Variants in ACSBG1 observed in about 807,000 individuals in gnomAD.
ACSBG1 encodes the protein long-chain-fatty-acid--CoA ligase ACSBG1.
Under a neutral mutation model 80.2 loss-of-function variants are expected in ACSBG1, and 39 were observed. The observed-to-expected ratio is 0.49, with a 90% CI of 0.38 to 0.64. ACSBG1 has a LOEUF of 0.64. Among genes scored for constraint, ACSBG1 ranks in the 30% least tolerant of loss-of-function variants. The probability of loss-of-function intolerance (pLI) is 0.00; values close to 1 mark genes in which losing one functional copy is unlikely to be tolerated. For missense variants in ACSBG1, 828 were observed against 966.4 expected, an observed-to-expected ratio of 0.86 and a Z score of 1.90; for synonymous variants, 392 against 379.5, an observed-to-expected ratio of 1.03 and a Z score of -0.38.
chr15:78,173,602 C>T lies in ACSBG1; in HGVS notation c.2080G>A (p.Gly694Arg). Residue 694 changes from glycine to arginine, a missense_variant, in exon 13 of 14, where the codon GGA becomes AGA. By Grantham distance (125) the Gly-to-Arg change is moderately radical. Coordinates refer to ENST00000258873, the MANE Select transcript of ACSBG1 (RefSeq NM_015162.5). ...ILERDFSISG[G>R]ELGPTMKLKR... ...AAAAGGAAAAACCTACCCAACTCTC[C>T]ACCCGAAATGGAGAAGTCTCTCTCG... 1 of 1,614,144 alleles carries T rather than the reference C, an allele frequency of 6.2e-7. No homozygotes were observed. Among genetic ancestry groups the T allele is most frequent in the Non-Finnish European group, 8.5e-7 (1 of 1,180,024 alleles).
rs1363769807 is a variant in ACSBG1, at chr15:78,179,814, AT to A, written c.1254-35del. 3.0e-5 allele frequency: 35 copies of A among 1,172,764 alleles called. 1 individual carries two copies. Among genetic ancestry groups the A allele is most frequent in the Non-Finnish European group, 1.2e-6 (1 of 822,692 alleles). The allele number at this position is 1,172,764 out of a possible 1,614,324, so 72.6% of individuals were successfully genotyped here. A position where few individuals can be genotyped will look rare whatever the true frequency, so the allele number is the denominator to read the frequency against. On this transcript the variant is annotated intron_variant, in intron 9 of 13. Transcript: ENST00000258873. ...AGAGGGAGAATGGTTCACAGAAGAAATCACACACACACACACACACACACAC... is the reference window on the plus strand; with the variant it reads ...AGAGGGAGAATGGTTCACAGAAGAAACACACACACACACACACACACACAC...
chr15:78,231,194 C>G (rs1193917790), intron 1 of ACSBG1, among the ~76,000 whole-genome samples: 6 of 152,096 alleles, frequency 3.9e-5, no homozygotes, highest in Non-Finnish European at 7.4e-5. Flanking sequence ...GATCTCAGCT[C>G]ACGGCAACCT....
chr15:78,182,686 A>G lies in ACSBG1; in HGVS notation c.744+19T>C, dbSNP rs534899604. ...GCCCAATAGGCCCCACCTGGCGCCC[A>G]GGGCCCCACTGCCCATACCGTGTAC... On this transcript the variant is annotated intron_variant, in intron 6 of 13. Coordinates refer to ENST00000258873, the MANE Select transcript of ACSBG1 (RefSeq NM_015162.5). 6.2e-7 allele frequency: 1 copy of G among 1,614,082 alleles called. No individual in the cohort carries two copies. Among genetic ancestry groups the G allele is most frequent in the East Asian group, 2.2e-5 (1 of 44,870 alleles).
At chr15:78,194,839 T>G in intron 2 of ACSBG1, 113 bp from the exon 3 acceptor site, 1 of 1,116,952 alleles carries the variant, frequency 9.0e-7, no homozygotes, top group South Asian at 1.5e-5. Flanking sequence ...GTCCTCGGCC[T>G]TGAGGCTGGC....
At chr15:78,174,716 C>T (rs981837125) in intron 11 of ACSBG1, 192 bp from the exon 12 acceptor site, 66 of 610,972 alleles carry the variant, frequency 1.1e-4, no homozygotes, top group African/African-American at 7.5e-5. Context: ...AGCACCCCGA[C>T]GACAAATGCT....
chr15:78,216,597 C>G (rs1567096872), intron 1 of ACSBG1, among the ~76,000 whole-genome samples: 1 of 152,080 alleles, frequency 6.6e-6, no homozygotes. Flanking sequence ...TAAGACATAT[C>G]CCCCTAGAAT....
intron 2 of ACSBG1, among the ~76,000 whole-genome samples, chr15:78,205,862 C>T (rs1279742794): frequency 2.0e-5 from 3 of 152,158 alleles, no homozygotes; most frequent in Non-Finnish European, 4.4e-5. Context: ...CTGTGCCAGC[C>T]CCAATCCCCC....
chr15:78,193,769 C>G (rs2075081507), intron 4 of ACSBG1, 143 bp from the exon 5 acceptor site: 1 of 1,442,248 alleles, frequency 6.9e-7, no homozygotes, highest in Non-Finnish European at 9.3e-7. Context: ...AGCACCTCCT[C>G]CCCTGCAGAG....
At chr15:78,187,150 A>C (rs2141338731) in intron 5 of ACSBG1, among the ~76,000 whole-genome samples, 1 of 152,364 alleles carries the variant, frequency 6.6e-6, no homozygotes, top group Middle Eastern at 3.4e-3. Context: ...TGAATAGACC[A>C]ATAACAGGCT....
intron 11 of ACSBG1, 37 bp from the exon 12 acceptor site, chr15:78,174,561 A>T (rs372982505): frequency 1.4e-4 from 219 of 1,596,628 alleles, no homozygotes; most frequent in Non-Finnish European, 1.8e-4. Flanking sequence ...CACAGAATGT[A>T]GTCCAGGTGC....
rs540373161 is a variant in ACSBG1 at position 78,215,938 on chromosome 15, A to G, written c.132-7836T>C. On this transcript the variant is annotated intron_variant, in intron 1 of 13. Coordinates refer to ENST00000258873, the MANE Select transcript of ACSBG1 (RefSeq NM_015162.5). ...AACCCACTAGCTGACCTGCTGTGGT[A>G]GAGCCGCCTATGACACTTTTCAAAG... Among the ~76,000 whole-genome samples the G allele has an allele frequency of 2.6e-5, 4 of 152,298 alleles. No homozygotes were observed. The South Asian group carries it at 8.3e-4, about 32-fold the overall frequency.
chr15:78,193,271 C>T (rs553653958), intron 5 of ACSBG1, among the ~76,000 whole-genome samples: 1 of 152,324 alleles, frequency 6.6e-6, no homozygotes, highest in South Asian at 2.1e-4. Context: ...GGACAGGAGT[C>T]CTACCCAAGG....
At chr15:78,189,984 G>A (rs957332374) in intron 5 of ACSBG1, among the ~76,000 whole-genome samples, 10 of 151,900 alleles carry the variant, frequency 6.6e-5, no homozygotes, top group African/African-American at 2.4e-4. Context: ...AAAAAGAAAA[G>A]TTCTTAAGGC....
rs558790522 is a variant in ACSBG1, at chr15:78,215,397, C to T, written c.132-7295G>A. On this transcript the variant is annotated intron_variant, in intron 1 of 13. Transcript: ENST00000258873. ...AGTGGCCAGGCATGGTGGCTCATGC[C>T]TGTAATCCCAACACTTTGGGAGGCC... is the stretch of plus-strand genomic sequence containing the variant. 1.1e-3 allele frequency among the ~76,000 whole-genome samples: 162 copies of T among 152,344 alleles called. 1 individual carries two copies. Among genetic ancestry groups the T allele is most frequent in the Middle Eastern group, 6.8e-3 (2 of 294 alleles).
At position 78,185,054 on chromosome 15, in the gene ACSBG1, A is replaced by AGG. The variant is rs1491576524; in HGVS notation, c.664-2270_664-2269insCC. The stretch of plus-strand genomic sequence containing the variant: ...GGAGAGAAAGGGGCGGAGGGGAGGG[A>AGG]GAGAGAGAGAGAGAGAGAGAGAGAG... On this transcript the variant is annotated intron_variant, in intron 5 of 13. Coordinates refer to ENST00000258873, the MANE Select transcript of ACSBG1 (RefSeq NM_015162.5). Among the ~76,000 whole-genome samples, 82 of 5,462 alleles carry AGG rather than the reference A, an allele frequency of 0.015. 2 individuals are homozygous for AGG. The East Asian group carries it at 0.23, about 15-fold the overall frequency. The allele number at this position is 5,462 out of a possible 152,430, so 3.6% of individuals were successfully genotyped here.
intron 5 of ACSBG1, among the ~76,000 whole-genome samples, chr15:78,183,693 CAT>C (rs1301924661): frequency 3.3e-5 from 5 of 152,098 alleles, no homozygotes; most frequent in Non-Finnish European, 7.4e-5. Context: ...TGTTATCTCA[CAT>C]GATTTTGACT....
intron 8 of ACSBG1, among the ~76,000 whole-genome samples, chr15:78,181,350 A>G (rs1233324004): frequency 1.3e-5 from 2 of 152,160 alleles, no homozygotes; most frequent in East Asian, 3.9e-4. Flanking sequence ...AAGGGTCCAA[A>G]GAACAGGTAT....
chr15:78,182,143 G>A lies in ACSBG1; in HGVS notation c.897C>T (p.Ile299=), dbSNP rs1219700752. 1 of 1,607,582 alleles carries A rather than the reference G, an allele frequency of 6.2e-7. No homozygotes were observed. The highest frequency in any genetic ancestry group is 2.2e-5 in the East Asian group (1 of 44,870). ...GGCTGCCGTACCGTGCCGTCCACGTGATCTGGAGGACAAGTAGATGGATCC... is the reference window on the plus strand; with the variant it reads ...GGCTGCCGTACCGTGCCGTCCACGTAATCTGGAGGACAAGTAGATGGATCC... The part of the protein sequence containing the change: ...PKGVMLSQDN[I]TWTARYGSQA... Residue 299 remains isoleucine, a splice_region_variant and synonymous_variant, in exon 8 of 14, where the codon ATC becomes ATT. Coordinates refer to ENST00000258873, the MANE Select transcript of ACSBG1 (RefSeq NM_015162.5).
At position 78,224,546 on chromosome 15, in the gene ACSBG1, T is replaced by C. The variant is rs193079559; in HGVS notation, c.131+9825A>G. Reference sequence around the variant, plus strand: ...CACCCTGGCTAACACGGTGAAACCCTGTCTCTACTAAAAATACAAAAAAAA... The same window carrying C: ...CACCCTGGCTAACACGGTGAAACCCCGTCTCTACTAAAAATACAAAAAAAA... On this transcript the variant is annotated intron_variant, in intron 1 of 13. Coordinates refer to ENST00000258873, the MANE Select transcript of ACSBG1 (RefSeq NM_015162.5). 6.1e-3 allele frequency among the ~76,000 whole-genome samples: 931 copies of C among 151,944 alleles called. 7 individuals carry two copies. The highest frequency in any genetic ancestry group is 0.014 in the East Asian group (71 of 5,170).
Sources: allele counts gnomAD v4.1 joint callset (sites outside exome capture counted in the v4.1 genomes callset), GRCh38; gene constraint gnomAD v4.1.1; transcripts MANE v1.5; gene names NCBI Gene and HGNC (gene_info 2026-07-23, HGNC 2026-07-21).